The following FRG1 variants were observed in gnomAD, a reference collection of about 807,000 sequenced individuals.
The protein encoded by FRG1 is protein FRG1.
FRG1 carries 19 observed loss-of-function variants against 37.0 expected under a neutral mutation model. The observed-to-expected ratio is 0.51, with a 90% confidence interval of 0.36 to 0.75. The LOEUF (loss-of-function observed/expected upper bound fraction) is 0.75. FRG1 is among the 30% of genes least tolerant of loss of function. FRG1 has a pLI of 0.00. For missense variants in FRG1, 243 were observed against 301.4 expected (o/e 0.81, Z 1.44); for synonymous variants, 73 against 96.5 (o/e 0.76, Z 1.43).
At chr4:189,960,250 A>T (rs1561078450) in intron 6 of FRG1, among the ~76,000 whole-genome samples, 1 of 152,342 alleles carries the variant, frequency 6.6e-6, no homozygotes, top group Admixed American at 6.5e-5. Context: ...ATCTATCCAA[A>T]CTTAGGAGGA....
At chr4:189,957,608 A>C in intron 6 of FRG1, 106 bp downstream of exon 6, 12 of 951,906 alleles carry the variant, frequency 1.3e-5, no homozygotes, top group South Asian at 1.0e-4. Flanking sequence ...GATTTACTTA[A>C]TAGCTTTTTA....
At chr4:189,955,331 C>T (rs200499835) in intron 5 of FRG1, among the ~76,000 whole-genome samples, 180 bp downstream of exon 5, 6 of 152,144 alleles carry the variant, frequency 3.9e-5, no homozygotes, top group Admixed American at 6.5e-5. Context: ...CAACAAAAAT[C>T]GCATTAGTCC....
chr4:189,941,099 T>G, intron 1 of FRG1, 28 bp downstream of exon 1: 7 of 1,603,772 alleles, frequency 4.4e-6, no homozygotes, highest in Non-Finnish European at 6.0e-6. Flanking sequence ...GGCGGGAGCC[T>G]CCTCCGTTCT....
intron 5 of FRG1, among the ~76,000 whole-genome samples, chr4:189,955,507 GA>G (rs1736945878): frequency 6.6e-6 from 1 of 152,116 alleles, no homozygotes; most frequent in East Asian, 1.9e-4. Flanking sequence ...GACTGTAAGC[GA>G]ACAGTGGAGC....
At chr4:189,944,086 C>T (rs1056648636) in intron 2 of FRG1, among the ~76,000 whole-genome samples, 1 of 152,218 alleles carries the variant, frequency 6.6e-6, no homozygotes. Context: ...AATTAGTGCT[C>T]CAGTTACATC....
At chr4:189,954,794 CTG>C (rs570641851) in intron 4 of FRG1, among the ~76,000 whole-genome samples, 154 of 152,116 alleles carry the variant, frequency 1.0e-3, no homozygotes, top group African/African-American at 3.5e-3. Context: ...TGGGGTCTCA[CTG>C]TGTTGTCCAG....
chr4:189,954,373 T>C (rs1169921584), intron 4 of FRG1, among the ~76,000 whole-genome samples: 1 of 148,352 alleles, frequency 6.7e-6, no homozygotes. Context: ...ATGTACAGAA[T>C]AGATGTACAT....
At chr4:189,942,959 G>A (rs1010673276) in intron 1 of FRG1, among the ~76,000 whole-genome samples, 1 of 152,186 alleles carries the variant, frequency 6.6e-6, no homozygotes, top group African/African-American at 2.4e-5. Flanking sequence ...GCTAAGAAGT[G>A]AAAGAATCAG....
intron 1 of FRG1, 30 bp downstream of exon 1, chr4:189,941,101 C>T (rs772475019): frequency 6.9e-6 from 11 of 1,605,204 alleles, no homozygotes; most frequent in South Asian, 3.3e-5. Context: ...CGGGAGCCTC[C>T]TCCGTTCTTT....
At chr4:189,942,686 G>A (rs186371713) in intron 1 of FRG1, among the ~76,000 whole-genome samples, 4 of 152,212 alleles carry the variant, frequency 2.6e-5, no homozygotes, top group Admixed American at 2.0e-4. Flanking sequence ...GTATTTTTGT[G>A]GGTGTATGTT....
chr4:189,953,978 A>G (rs1389857393), intron 4 of FRG1, among the ~76,000 whole-genome samples: 1 of 152,102 alleles, frequency 6.6e-6, no homozygotes, highest in African/African-American at 2.4e-5. Flanking sequence ...CTTACTCTTC[A>G]TATGTATCTT....
At chr4:189,951,000 A>G (rs911133063) in intron 2 of FRG1, among the ~76,000 whole-genome samples, 1 of 152,168 alleles carries the variant, frequency 6.6e-6, no homozygotes, top group African/African-American at 2.4e-5. Context: ...TATCCAGTTA[A>G]TGATTGACTC....
intron 2 of FRG1, among the ~76,000 whole-genome samples, chr4:189,950,598 TTTA>T (rs2126807964): frequency 6.6e-6 from 1 of 152,304 alleles, no homozygotes; most frequent in South Asian, 2.1e-4. Flanking sequence ...TATTTTAAAA[TTTA>T]TTATGGAAAG....
intron 8 of FRG1, among the ~76,000 whole-genome samples, chr4:189,962,475 G>T (rs1242960291): frequency 6.6e-6 from 1 of 152,122 alleles, no homozygotes; most frequent in African/African-American, 2.4e-5. Flanking sequence ...AGCTGTGAGT[G>T]TACAAGTATA....
chr4:189,950,683 G>A (rs1736714926), intron 2 of FRG1, among the ~76,000 whole-genome samples: 3 of 152,026 alleles, frequency 2.0e-5, no homozygotes, highest in African/African-American at 7.3e-5. Flanking sequence ...TTTTTATTAT[G>A]GAAATATCCA....
At chr4:189,954,771 T>A (rs1736908719) in intron 4 of FRG1, among the ~76,000 whole-genome samples, 1 of 152,022 alleles carries the variant, frequency 6.6e-6, no homozygotes, top group South Asian at 2.1e-4. Context: ...ACTTTTTAAA[T>A]TTTTTGTAGA....
chr4:189,947,280 T>G (rs1736572427), intron 2 of FRG1, among the ~76,000 whole-genome samples: 1 of 151,950 alleles, frequency 6.6e-6, no homozygotes, highest in Non-Finnish European at 1.5e-5. Flanking sequence ...TAATTCTAGA[T>G]CTGTCTACTT....
chr4:189,947,707 C>T (rs1288132399), intron 2 of FRG1, among the ~76,000 whole-genome samples: 2 of 152,252 alleles, frequency 1.3e-5, no homozygotes, highest in African/African-American at 4.8e-5. Context: ...CTCCCCCCAG[C>T]CCTTGGCCAC....
chr4:189,959,515 T>C (rs1055341135), intron 6 of FRG1, among the ~76,000 whole-genome samples: 10 of 152,246 alleles, frequency 6.6e-5, no homozygotes, highest in African/African-American at 2.4e-4. Flanking sequence ...GCACATTGCT[T>C]CTCAGGAAAC....
Sources: allele counts gnomAD v4.1 joint callset (sites outside exome capture counted in the v4.1 genomes callset), GRCh38; gene constraint gnomAD v4.1.1; transcripts MANE v1.5; gene names NCBI Gene and HGNC (gene_info 2026-07-23, HGNC 2026-07-21).